PPP1R9A: variants seen among roughly 807,000 people sequenced by gnomAD.
PPP1R9A encodes the protein protein phosphatase 1 regulatory subunit 9A.
A neutral mutation model predicts 141.9 loss-of-function variants in PPP1R9A; 59 were observed. That is an observed-to-expected ratio of 0.42 (90% CI 0.34 to 0.52). The LOEUF is 0.52. Among genes scored for constraint, PPP1R9A ranks in the 20% least tolerant of loss-of-function variants. The pLI is 0.10. For missense variants in PPP1R9A, 1,444 were observed against 1,611.9 expected (o/e 0.90, Z 1.78); for synonymous variants, 500 against 569.7 (o/e 0.88, Z 1.74).
At chr7:94,994,615 G>A (rs915891185) in intron 2 of PPP1R9A, among the ~76,000 whole-genome samples, 4 of 152,026 alleles carry the variant, frequency 2.6e-5, no homozygotes, top group Non-Finnish European at 5.9e-5. Context: ...CTAATTGCTG[G>A]GCGGGTGTGG....
intron 2 of PPP1R9A, among the ~76,000 whole-genome samples, chr7:95,083,816 A>C (rs1328707452): frequency 1.3e-5 from 2 of 152,070 alleles, no homozygotes; most frequent in Non-Finnish European, 2.9e-5. Context: ...TAATGCTGAA[A>C]AATTGCTGAA....
intron 2 of PPP1R9A, among the ~76,000 whole-genome samples, chr7:95,056,896 A>G (rs1368994163): frequency 6.6e-6 from 1 of 152,154 alleles, no homozygotes; most frequent in Non-Finnish European, 1.5e-5. Flanking sequence ...CTGCCAGACC[A>G]GTTTTTAAAA....
rs141902177 is a variant in PPP1R9A, at chr7:95,213,645, T to G, written c.1956+9915T>G. Among the ~76,000 whole-genome samples the G allele has an allele frequency of 4.9e-3, 746 of 152,248 alleles. 4 individuals carry two copies. Among genetic ancestry groups the G allele is most frequent in the African/African-American group, 0.017 (702 of 41,546 alleles). On this transcript the variant is annotated intron_variant, in intron 7 of 19. Coordinates refer to ENST00000433360, the MANE Select transcript of PPP1R9A (RefSeq NM_001166160.2). ...AGCCTGGTTATACATTCTGCTTCAT[T>G]TTTAAACCGCATTCTTCTGGCAGTT... is the stretch of plus-strand genomic sequence containing the variant.
chr7:95,234,923 A>G (rs550566743), intron 8 of PPP1R9A, among the ~76,000 whole-genome samples: 1 of 152,168 alleles, frequency 6.6e-6, no homozygotes, highest in African/African-American at 2.4e-5. Flanking sequence ...GGGAAAGGAC[A>G]CATTACTAAC....
chr7:95,170,238 A>G (rs1831902711), intron 5 of PPP1R9A, among the ~76,000 whole-genome samples: 2 of 151,760 alleles, frequency 1.3e-5, no homozygotes, highest in East Asian at 1.9e-4. Flanking sequence ...AGGCTGTGGC[A>G]TAATTATAAG....
chr7:95,164,719 A>G (rs1585032092), intron 5 of PPP1R9A, among the ~76,000 whole-genome samples: 1 of 95,004 alleles, frequency 1.1e-5, no homozygotes, highest in Non-Finnish European at 2.2e-5. Context: ...CCAGATTACC[A>G]TGGTTTTTTT....
chr7:95,261,379 A>G (rs1304231377), intron 12 of PPP1R9A, among the ~76,000 whole-genome samples: 1 of 152,196 alleles, frequency 6.6e-6, no homozygotes, highest in Admixed American at 6.5e-5. Context: ...TTAAGTAGAC[A>G]TGAAATAATT....
chr7:95,148,801 T>C (rs1000019193), intron 4 of PPP1R9A, among the ~76,000 whole-genome samples: 7 of 151,972 alleles, frequency 4.6e-5, no homozygotes, highest in African/African-American at 1.7e-4. Flanking sequence ...ACCAATCCTC[T>C]CCTATCTCTT....
chr7:94,968,494 A>G (rs1366005122), intron 2 of PPP1R9A, among the ~76,000 whole-genome samples: 2 of 151,994 alleles, frequency 1.3e-5, no homozygotes, highest in Non-Finnish European at 2.9e-5. Flanking sequence ...AGTCTGTTTT[A>G]TCAGAGACTA....
At chr7:95,091,197 T>G (rs1817296395) in intron 2 of PPP1R9A, among the ~76,000 whole-genome samples, 1 of 151,958 alleles carries the variant, frequency 6.6e-6, no homozygotes, top group African/African-American at 2.4e-5. Flanking sequence ...TATCTGTGAT[T>G]TCATTAAACT....
In PPP1R9A at chr7:95,291,325, C is replaced by G. The variant is rs1018488007; in HGVS notation, c.*1022C>G. The G allele has an allele frequency of 6.6e-6, 1 of 152,134 alleles. No individual in the cohort carries two copies. Among genetic ancestry groups the G allele is most frequent in the African/African-American group, 2.4e-5 (1 of 41,406 alleles). The allele number at this position is 152,134 out of a possible 1,614,324, so 9.4% of individuals were successfully genotyped here. ...CTACTCAAGATTTCCCAGGTGGGCT[C>G]AGTTAGTATTTTAACAAATGTACTT... On this transcript the variant is annotated 3_prime_UTR_variant, in exon 20 of 20. Transcript: ENST00000433360.
intron 2 of PPP1R9A, among the ~76,000 whole-genome samples, chr7:95,080,046 C>T (rs1225298177): frequency 1.3e-5 from 2 of 152,122 alleles, no homozygotes; most frequent in Non-Finnish European, 2.9e-5. Flanking sequence ...GATGCCCTCT[C>T]TCACCACTCC....
chr7:95,178,568 A>T (rs540924829), intron 5 of PPP1R9A, among the ~76,000 whole-genome samples: 85 of 152,218 alleles, frequency 5.6e-4, no homozygotes, highest in African/African-American at 1.8e-3. Flanking sequence ...AAGAAAAAAA[A>T]TACAAAAGAT....
intron 2 of PPP1R9A, among the ~76,000 whole-genome samples, chr7:94,973,612 G>T (rs925061509): frequency 2.0e-5 from 3 of 152,072 alleles, no homozygotes; most frequent in African/African-American, 4.8e-5. Context: ...ATAGGGATTA[G>T]ATAGTGTCAG....
intron 2 of PPP1R9A, among the ~76,000 whole-genome samples, chr7:94,982,309 G>C (rs1800228121): frequency 6.6e-6 from 1 of 152,144 alleles, no homozygotes; most frequent in African/African-American, 2.4e-5. Context: ...CTTTATAGTA[G>C]TATGATTTAT....
intron 2 of PPP1R9A, among the ~76,000 whole-genome samples, chr7:94,969,954 A>T (rs1798675765): frequency 6.6e-6 from 1 of 151,948 alleles, no homozygotes; most frequent in Admixed American, 6.5e-5. Context: ...TGTGAGGGGG[A>T]GAACCGCCTA....
rs117577579 is a variant in PPP1R9A at position 95,012,839 on chromosome 7, A to G, written c.1396-98420A>G. Among the ~76,000 whole-genome samples, 580 of 152,328 alleles carry G rather than the reference A, an allele frequency of 3.8e-3. 2 individuals carry two copies. Among genetic ancestry groups the G allele is most frequent in the Non-Finnish European group, 6.1e-3 (413 of 68,036 alleles). On this transcript the variant is annotated intron_variant, in intron 2 of 19. Coordinates refer to ENST00000433360, the MANE Select transcript of PPP1R9A (RefSeq NM_001166160.2). The stretch of plus-strand genomic sequence containing the variant: ...ATGATGTGAAAAGTTGGAATCACTC[A>G]ATATGGATTGATTGGGCTGCCTTCA...
Position 95,243,211 on chromosome 7 carries a change from A to C in PPP1R9A, c.2113-4262A>C, listed in dbSNP as rs1797695643. ...ACATGACATCTGATCTGGCTATAGG[A>C]ACAAAAGACTAAACAAGCCATCCAG... On this transcript the variant is annotated intron_variant, in intron 8 of 19. Transcript: ENST00000433360. 2.0e-5 allele frequency among the ~76,000 whole-genome samples: 3 copies of C among 152,120 alleles called. No homozygotes were observed. In the South Asian group the frequency reaches 6.2e-4, roughly 31 times the overall value.
In PPP1R9A at chr7:95,163,820, A is replaced by G. The variant is rs570673253; in HGVS notation, c.1754+1849A>G. On this transcript the variant is annotated intron_variant, in intron 5 of 19. Coordinates refer to ENST00000433360, the MANE Select transcript of PPP1R9A (RefSeq NM_001166160.2). ...AGTGGCGCAGTCTCAACTCATTGCA[A>G]TCTCTGCCTCCTGGGTTCAAGCAGT... is the stretch of plus-strand genomic sequence containing the variant. Among the ~76,000 whole-genome samples, 367 of 152,138 alleles carry G rather than the reference A, an allele frequency of 2.4e-3. 2 individuals are homozygous for G. The highest frequency in any genetic ancestry group is 8.4e-3 in the African/African-American group (350 of 41,502).
Sources: allele counts gnomAD v4.1 joint callset (sites outside exome capture counted in the v4.1 genomes callset), GRCh38; gene constraint gnomAD v4.1.1; transcripts MANE v1.5; gene names NCBI Gene and HGNC (gene_info 2026-07-23, HGNC 2026-07-21).